The following IP6K1 variants were observed in gnomAD, a reference collection of about 807,000 sequenced individuals.
IP6K1 encodes inositol hexakisphosphate kinase 1, also known as ATP:1D-myo-inositol-hexakisphosphate phosphotransferase.
Under a neutral mutation model 38.3 loss-of-function variants are expected in IP6K1, and 13 were observed. The ratio of observed to expected loss-of-function variants is 0.34; its 90% CI spans 0.22 to 0.54. The LOEUF (loss-of-function observed/expected upper bound fraction) is 0.54. IP6K1 is among the 20% of genes least tolerant of loss of function. The probability of loss-of-function intolerance (pLI) is 0.92; values close to 1 mark genes in which losing one functional copy is unlikely to be tolerated. For missense variants in IP6K1, 397 were observed against 599.8 expected, an observed-to-expected ratio of 0.66 and a Z score of 3.53; for synonymous variants, 212 against 229.9, an observed-to-expected ratio of 0.92 and a Z score of 0.70.
chr3:49,772,354 A>C (rs1040015019), intron 1 of IP6K1, among the ~76,000 whole-genome samples: 3 of 147,450 alleles, frequency 2.0e-5, no homozygotes, highest in African/African-American at 4.9e-5. Context: ...AATATATAAA[A>C]TATATATATA....
chr3:49,740,731 C>T (rs1002392369), intron 2 of IP6K1, among the ~76,000 whole-genome samples: 1 of 152,128 alleles, frequency 6.6e-6, no homozygotes, highest in Non-Finnish European at 1.5e-5. Flanking sequence ...GTATATATCA[C>T]ATCTGTTATG....
chr3:49,736,896 C>T (rs534808373), intron 3 of IP6K1, among the ~76,000 whole-genome samples: 67 of 151,582 alleles, frequency 4.4e-4, no homozygotes, highest in Non-Finnish European at 6.6e-4. Flanking sequence ...CTTAGCCTCC[C>T]GAGTAGCTGG....
At position 49,781,919 on chromosome 3, in the gene IP6K1, T is replaced by TA. The variant is rs915429218; in HGVS notation, c.-129+4434dup. On this transcript the variant is annotated intron_variant, in intron 1 of 5. Coordinates refer to ENST00000321599, the MANE Select transcript of IP6K1 (RefSeq NM_153273.4). ...GCAACAAACAAGACATCATGTCCAT[T>TA]AAAAAAAAAAATTAAAATTAAAAAT... 5.0e-3 allele frequency among the ~76,000 whole-genome samples: 728 copies of TA among 145,694 alleles called. 5 individuals are homozygous for TA. Among genetic ancestry groups the TA allele is most frequent in the African/African-American group, 0.017 (670 of 39,976 alleles).
intron 2 of IP6K1, among the ~76,000 whole-genome samples, chr3:49,743,241 T>TACAC (rs202144754): frequency 0.07 from 9,593 of 137,172 alleles, 381 homozygotes; most frequent in Middle Eastern, 0.093. Flanking sequence ...AAAAACAAAA[T>TACAC]ACACACACAC....
At chr3:49,770,803 TTG>T (rs2080950639) in intron 1 of IP6K1, among the ~76,000 whole-genome samples, 1 of 152,256 alleles carries the variant, frequency 6.6e-6, no homozygotes, top group South Asian at 2.1e-4. Context: ...TTCATCAAAA[TTG>T]AAAACCTCTG....
intron 1 of IP6K1, among the ~76,000 whole-genome samples, chr3:49,783,574 A>G (rs2081086696): frequency 6.6e-6 from 1 of 151,878 alleles, no homozygotes; most frequent in Admixed American, 6.6e-5. Context: ...TTGGCCGGGC[A>G]TGGTGGCAGG....
chr3:49,751,858 A>G (rs946876062), intron 1 of IP6K1, among the ~76,000 whole-genome samples: 1 of 152,240 alleles, frequency 6.6e-6, no homozygotes, highest in African/African-American at 2.4e-5. Context: ...AAATGGAAAG[A>G]AATTTTTACT....
chr3:49,738,513 T>C, intron 2 of IP6K1, 91 bp from the exon 3 acceptor site: 2 of 962,192 alleles, frequency 2.1e-6, no homozygotes. Flanking sequence ...CCACACAGCA[T>C]GAAGACATCA....
chr3:49,767,363 G>A lies in IP6K1; in HGVS notation c.-129+18991C>T, dbSNP rs551427756. Among the ~76,000 whole-genome samples the A allele has an allele frequency of 1.0e-3, 153 of 152,116 alleles. 1 individual carries two copies. The highest frequency in any genetic ancestry group is 3.5e-3 in the African/African-American group (145 of 41,498). ...GGAGGCCGAGGTGGGCAGATCACCT[G>A]AGGTCAGGGGTTCAAGACAAGCCTG... is the stretch of plus-strand genomic sequence containing the variant. On this transcript the variant is annotated intron_variant, in intron 1 of 5. Coordinates refer to ENST00000321599, the MANE Select transcript of IP6K1 (RefSeq NM_153273.4).
intron 1 of IP6K1, among the ~76,000 whole-genome samples, chr3:49,772,224 A>AAAAT (rs1553696789): frequency 3.5e-4 from 50 of 142,968 alleles, no homozygotes; most frequent in African/African-American, 1.2e-3. Context: ...TAAAAAAAAA[A>AAAAT]ATATATATAT....
At chr3:49,731,263 T>C (rs1575303151) in intron 4 of IP6K1, among the ~76,000 whole-genome samples, 1 of 152,160 alleles carries the variant, frequency 6.6e-6, no homozygotes, top group African/African-American at 2.4e-5. Context: ...AGACTTATCA[T>C]ATGTCTGCCA....
At chr3:49,763,661 T>C (rs2080885293) in intron 1 of IP6K1, among the ~76,000 whole-genome samples, 1 of 152,092 alleles carries the variant, frequency 6.6e-6, no homozygotes, top group Non-Finnish European at 1.5e-5. Flanking sequence ...CCATAAGATG[T>C]AATCATCTCA....
At chr3:49,730,870 C>G (rs1354900321) in intron 4 of IP6K1, among the ~76,000 whole-genome samples, 2 of 152,166 alleles carry the variant, frequency 1.3e-5, no homozygotes, top group Non-Finnish European at 2.9e-5. Flanking sequence ...GCATGCACCA[C>G]TACACCTGGC....
intron 1 of IP6K1, among the ~76,000 whole-genome samples, chr3:49,785,029 T>C (rs2081099499): frequency 6.6e-6 from 1 of 152,166 alleles, no homozygotes; most frequent in African/African-American, 2.4e-5. Flanking sequence ...AGGCATATTC[T>C]ATGACCACAT....
In IP6K1 at chr3:49,786,361, G is replaced by C. The variant is rs372736292; in HGVS notation, c.-136C>G. ...CCGGCTCCTGTCACTCACCTGCCCG[G>C]CCCGGGCACCGAGCGCCCACGGCTC... is the stretch of plus-strand genomic sequence containing the variant. On this transcript the variant is annotated 5_prime_UTR_variant, in exon 1 of 6. Coordinates refer to ENST00000321599, the MANE Select transcript of IP6K1 (RefSeq NM_153273.4). 9.2e-5 allele frequency: 14 copies of C among 152,196 alleles called. 1 individual carries two copies. The highest frequency in any genetic ancestry group is 7.9e-4 in the Admixed American group (12 of 15,284). The allele number at this position is 152,196 out of a possible 1,614,324, so 9.4% of individuals were successfully genotyped here.
intron 2 of IP6K1, among the ~76,000 whole-genome samples, chr3:49,745,556 C>T (rs1259068578): frequency 3.3e-5 from 5 of 152,002 alleles, no homozygotes; most frequent in Non-Finnish European, 7.4e-5. Context: ...CCCGTCTCTA[C>T]TAAAAATACA....
intron 2 of IP6K1, among the ~76,000 whole-genome samples, chr3:49,739,528 G>C (rs1204070874): frequency 6.6e-6 from 1 of 151,486 alleles, no homozygotes; most frequent in South Asian, 2.1e-4. Context: ...TAATTTTTTT[G>C]TATTTTTAGT....
intron 1 of IP6K1, chr3:49,785,877 A>T (rs983187570): frequency 6.6e-6 from 1 of 152,198 alleles, no homozygotes; most frequent in Admixed American, 6.5e-5. Context: ...CCCTTGCCAT[A>T]ATCATAGGGC....
chr3:49,751,594 T>C (rs1398741360), intron 1 of IP6K1, among the ~76,000 whole-genome samples: 1 of 152,200 alleles, frequency 6.6e-6, no homozygotes, highest in East Asian at 1.9e-4. Flanking sequence ...TCTCTGCTAC[T>C]TCATTGCTAA....
Sources: gnomAD v4.1 joint callset for allele counts (sites outside exome capture counted in the v4.1 genomes callset) on GRCh38, gnomAD v4.1.1 for gene constraint, MANE v1.5 for transcripts, NCBI Gene and HGNC (gene_info 2026-07-23, HGNC 2026-07-21) for gene names.